The following CCBE1 variants were observed in gnomAD, a reference collection of about 807,000 sequenced individuals.
CCBE1 encodes the protein collagen and calcium-binding EGF domain-containing protein 1.
A neutral mutation model predicts 50.0 loss-of-function variants in CCBE1; 37 were observed. The observed-to-expected ratio is 0.74, with a 90% CI of 0.57 to 0.97. CCBE1 has a LOEUF of 0.97. Ranked by LOEUF, CCBE1 falls within the 50% of genes least tolerant of loss-of-function variation. The pLI, the probability that CCBE1 is intolerant of heterozygous loss-of-function variation, is 0.00. For missense variants in CCBE1, 538 were observed against 523.8 expected, an observed-to-expected ratio of 1.03 and a Z score of -0.26; for synonymous variants, 234 against 203.7, an observed-to-expected ratio of 1.15 and a Z score of -1.27.
At chr18:59,484,155 G>A (rs1274985736) in intron 2 of CCBE1, among the ~76,000 whole-genome samples, 1 of 152,098 alleles carries the variant, frequency 6.6e-6, no homozygotes, top group African/African-American at 2.4e-5. Context: ...ACAACCAGAA[G>A]GAAAACTGGC....
At chr18:59,491,707 G>A (rs1455575629) in intron 2 of CCBE1, among the ~76,000 whole-genome samples, 11 of 151,818 alleles carry the variant, frequency 7.2e-5, no homozygotes, top group South Asian at 6.2e-4. Flanking sequence ...CCAGCTACTC[G>A]GGAGGCTGAG....
At chr18:59,606,563 A>G (rs1599056837) in intron 2 of CCBE1, among the ~76,000 whole-genome samples, 2 of 152,164 alleles carry the variant, frequency 1.3e-5, no homozygotes, top group Non-Finnish European at 2.9e-5. Flanking sequence ...TGCATCTTGC[A>G]CGGATCATTT....
chr18:59,613,761 A>G (rs978118021), intron 2 of CCBE1, among the ~76,000 whole-genome samples: 15 of 151,904 alleles, frequency 9.9e-5, no homozygotes, highest in African/African-American at 3.4e-4. Context: ...GAAGATATCA[A>G]TATGGTTAGT....
chr18:59,536,929 T>A (rs1327312066), intron 2 of CCBE1, among the ~76,000 whole-genome samples: 2 of 149,234 alleles, frequency 1.3e-5, no homozygotes, highest in Non-Finnish European at 3.0e-5. Flanking sequence ...GAGGCAGAGG[T>A]TGCAGTGAGC....
At chr18:59,442,989 T>G (rs1490120053) in intron 7 of CCBE1, among the ~76,000 whole-genome samples, 3 of 141,740 alleles carry the variant, frequency 2.1e-5, no homozygotes. Flanking sequence ...GGTTGAGGGG[T>G]TGTGTTTTGT....
intron 2 of CCBE1, among the ~76,000 whole-genome samples, chr18:59,482,936 C>T (rs619037): frequency 0.3 from 44,029 of 147,188 alleles, 6,550 homozygotes; most frequent in African/African-American, 0.32. Context: ...GATTCAAGGT[C>T]ATTCCTACTG....
intron 5 of CCBE1, among the ~76,000 whole-genome samples, chr18:59,462,873 T>C (rs2143705480): frequency 6.6e-6 from 1 of 152,250 alleles, no homozygotes; most frequent in South Asian, 2.1e-4. Flanking sequence ...AATGCTGCAG[T>C]AAACGGTGGA....
intron 4 of CCBE1, 103 bp downstream of exon 4, chr18:59,469,370 A>T: frequency 2.0e-6 from 3 of 1,478,450 alleles, no homozygotes; most frequent in Non-Finnish European, 2.8e-6. Context: ...ATCAAACACA[A>T]CTCCATCCAA....
At chr18:59,483,577 C>T (rs1407835129) in intron 2 of CCBE1, among the ~76,000 whole-genome samples, 2 of 152,112 alleles carry the variant, frequency 1.3e-5, no homozygotes, top group African/African-American at 4.8e-5. Flanking sequence ...TAATCTCCTC[C>T]TGAAACAAAA....
At chr18:59,582,782 T>C (rs1208006993) in intron 2 of CCBE1, among the ~76,000 whole-genome samples, 1 of 152,166 alleles carries the variant, frequency 6.6e-6, no homozygotes, top group Non-Finnish European at 1.5e-5. Context: ...GATTATGTAA[T>C]TTTACAAAGG....
At position 59,569,268 on chromosome 18, in the gene CCBE1, C is replaced by G. The variant is rs573970506; in HGVS notation, c.213-89030G>C. Among the ~76,000 whole-genome samples, 7 of 152,248 alleles carry G rather than the reference C, an allele frequency of 4.6e-5. No individual in the cohort carries two copies. In the East Asian group the frequency reaches 9.6e-4, roughly 21 times the overall value. On this transcript the variant is annotated intron_variant, in intron 2 of 10. Transcript: ENST00000439986. Reference sequence around the variant, plus strand: ...TTTATTGTACCAGCTTGCCAGAAACCGAAGACTCCTTCTAAATCTGTTGCT... The same window carrying G: ...TTTATTGTACCAGCTTGCCAGAAACGGAAGACTCCTTCTAAATCTGTTGCT...
At chr18:59,501,992 T>C (rs1304468736) in intron 2 of CCBE1, among the ~76,000 whole-genome samples, 1 of 152,054 alleles carries the variant, frequency 6.6e-6, no homozygotes, top group East Asian at 1.9e-4. Flanking sequence ...ACAGACAGCG[T>C]CTCCATATGT....
chr18:59,683,289 C>T (rs73961296), intron 2 of CCBE1, among the ~76,000 whole-genome samples: 4,256 of 152,286 alleles, frequency 0.028, 170 homozygotes, highest in African/African-American at 0.096. Context: ...ATGTGTCAAA[C>T]GTGTTAGGAA....
At chr18:59,565,383 G>A (rs140536924) in intron 2 of CCBE1, among the ~76,000 whole-genome samples, 62 of 103,126 alleles carry the variant, frequency 6.0e-4, no homozygotes, top group African/African-American at 3.9e-3. Context: ...GCTGCAAAGG[G>A]CTGTGTTGGG....
At chr18:59,464,565 T>G (rs182713676) in intron 5 of CCBE1, among the ~76,000 whole-genome samples, 1 of 152,352 alleles carries the variant, frequency 6.6e-6, no homozygotes, top group East Asian at 1.9e-4. Flanking sequence ...GCTTCAGGCT[T>G]TAAGAAGTGT....
chr18:59,552,004 C>T (rs527792279), intron 2 of CCBE1, among the ~76,000 whole-genome samples: 1 of 152,224 alleles, frequency 6.6e-6, no homozygotes, highest in Non-Finnish European at 1.5e-5. Flanking sequence ...CTTGGCCACT[C>T]ATGGCTGTAA....
chr18:59,629,909 G>T (rs1048143990), intron 2 of CCBE1, among the ~76,000 whole-genome samples: 1 of 152,178 alleles, frequency 6.6e-6, no homozygotes, highest in Admixed American at 6.5e-5. Flanking sequence ...CTTCATCCCA[G>T]TTCTCTGCGT....
intron 2 of CCBE1, among the ~76,000 whole-genome samples, chr18:59,576,724 A>G (rs1052673499): frequency 1.3e-5 from 2 of 152,046 alleles, no homozygotes; most frequent in African/African-American, 2.4e-5. Context: ...ACTCCCTCCA[A>G]TGCTTCTGTC....
chr18:59,432,394 G>A lies in CCBE1; in HGVS notation c.*3514C>T, dbSNP rs1027733602. On this transcript the variant is annotated 3_prime_UTR_variant, in exon 11 of 11. Transcript: ENST00000439986. Reference sequence around the variant, plus strand: ...CTAACAGGTTGAGGAGGTGTACAAAGATCTTTTTCCCTATAAAACATGAAA... The same window carrying A: ...CTAACAGGTTGAGGAGGTGTACAAAAATCTTTTTCCCTATAAAACATGAAA... 1.3e-5 allele frequency: 2 copies of A among 152,266 alleles called. No homozygotes were observed. Among genetic ancestry groups the A allele is most frequent in the East Asian group, 3.9e-4 (2 of 5,186 alleles). The allele number at this position is 152,266 out of a possible 1,614,324, so 9.4% of individuals were successfully genotyped here.
Sources: gnomAD v4.1 joint callset for allele counts (sites outside exome capture counted in the v4.1 genomes callset) on GRCh38, gnomAD v4.1.1 for gene constraint, MANE v1.5 for transcripts, NCBI Gene and HGNC (gene_info 2026-07-23, HGNC 2026-07-21) for gene names.